Variants in EYA2 observed in about 807,000 individuals in gnomAD.
EYA2 encodes the protein protein phosphatase EYA2.
A neutral mutation model predicts 69.2 loss-of-function variants in EYA2; 31 were observed. The observed-to-expected ratio is 0.45, with a 90% confidence interval of 0.34 to 0.60. The LOEUF (loss-of-function observed/expected upper bound fraction) is 0.60, where lower values mean the gene tolerates loss of function less well. Ranked by LOEUF, EYA2 falls within the 20% of genes least tolerant of loss-of-function variation. The pLI is 0.02. For synonymous variants in EYA2, 257 were observed against 279.4 expected (o/e 0.92, Z 0.80); for missense variants, 622 against 701.2 (o/e 0.89, Z 1.28).
At chr20:46,921,496 A>T (rs1241786927) in intron 1 of EYA2, among the ~76,000 whole-genome samples, 1 of 152,026 alleles carries the variant, frequency 6.6e-6, no homozygotes, top group Non-Finnish European at 1.5e-5. Flanking sequence ...CCCACTCTCC[A>T]GTTCTAAGTG....
At chr20:47,173,182 C>T (rs891629751) in intron 12 of EYA2, among the ~76,000 whole-genome samples, 73 of 152,108 alleles carry the variant, frequency 4.8e-4, no homozygotes, top group African/African-American at 1.7e-3. Context: ...CTCCAAGTAG[C>T]AGCGACAGCA....
chr20:47,038,120 A>G (rs1358261293), intron 5 of EYA2, among the ~76,000 whole-genome samples: 2 of 152,176 alleles, frequency 1.3e-5, no homozygotes, highest in Admixed American at 6.5e-5. Flanking sequence ...TCTGATGGTG[A>G]TGGATTCATG....
At chr20:47,077,884 G>A (rs758186638) in intron 7 of EYA2, among the ~76,000 whole-genome samples, 9 of 152,198 alleles carry the variant, frequency 5.9e-5, no homozygotes, top group Admixed American at 2.6e-4. Context: ...TGGTTCTTCC[G>A]ATCTCATTTC....
chr20:46,949,072 G>A (rs966465493), intron 1 of EYA2, among the ~76,000 whole-genome samples: 3 of 152,320 alleles, frequency 2.0e-5, no homozygotes, highest in Middle Eastern at 3.4e-3. Flanking sequence ...CTCAAGACTG[G>A]TAGAGATGGG....
chr20:47,173,405 TC>T (rs2034364621), intron 12 of EYA2, among the ~76,000 whole-genome samples: 1 of 147,134 alleles, frequency 6.8e-6, no homozygotes, highest in African/African-American at 2.5e-5. Context: ...CACATCAGCA[TC>T]CCCCGGAGCT....
chr20:47,022,901 T>C (rs1983841285), intron 5 of EYA2, among the ~76,000 whole-genome samples: 2 of 152,144 alleles, frequency 1.3e-5, no homozygotes, highest in African/African-American at 4.8e-5. Flanking sequence ...GTGTTCAGTT[T>C]AGTGTTTTTA....
At chr20:47,117,320 A>G (rs1439544013) in intron 9 of EYA2, 42 of 971,604 alleles carry the variant, frequency 4.3e-5, no homozygotes, top group Non-Finnish European at 4.9e-5. Context: ...AAGCATCTGC[A>G]TTTAACTCCA....
At chr20:46,905,537 G>A (rs13045741) in intron 1 of EYA2, among the ~76,000 whole-genome samples, 8 of 152,228 alleles carry the variant, frequency 5.3e-5, no homozygotes, top group Admixed American at 5.2e-4. Flanking sequence ...AGTAACGTAA[G>A]TGGGTTGCAA....
At chr20:47,181,533 G>C (rs6018324) in intron 14 of EYA2, among the ~76,000 whole-genome samples, 85,005 of 151,936 alleles carry the variant, frequency 0.56, 25,813 homozygotes, top group African/African-American at 0.82. Flanking sequence ...CCATAGCTGA[G>C]TGATTCATAC....
At chr20:47,168,049 G>A (rs1329586165) in intron 10 of EYA2, among the ~76,000 whole-genome samples, 1 of 152,208 alleles carries the variant, frequency 6.6e-6, no homozygotes, top group Non-Finnish European at 1.5e-5. Context: ...TCTTCCAAAA[G>A]TGCCAGCCAA....
intron 1 of EYA2, among the ~76,000 whole-genome samples, chr20:46,939,928 A>G (rs886718803): frequency 6.6e-6 from 1 of 152,200 alleles, no homozygotes. Context: ...AAATAAGGGG[A>G]GAGTAAAATA....
At chr20:47,007,766 C>T (rs1390201253) in intron 4 of EYA2, among the ~76,000 whole-genome samples, 3 of 152,050 alleles carry the variant, frequency 2.0e-5, no homozygotes, top group East Asian at 3.9e-4. Context: ...CAGGCACGCA[C>T]TACCTCCCCT....
intron 4 of EYA2, among the ~76,000 whole-genome samples, 159 bp from the exon 5 acceptor site, chr20:47,016,022 A>G (rs778060469): frequency 1.3e-5 from 2 of 152,266 alleles, no homozygotes; most frequent in East Asian, 1.9e-4. Context: ...TCAAATGTCT[A>G]TAGGCTCACT....
In EYA2 at chr20:47,180,820, A is replaced by G; in HGVS notation, c.1319A>G (p.Asn440Ser). 1.9e-6 allele frequency: 3 copies of G among 1,614,042 alleles called. No individual in the cohort carries two copies. Among genetic ancestry groups the G allele is most frequent in the African/African-American group, 1.3e-5 (1 of 75,030 alleles). ...ACAGTCTCCTTTGTCCTTAGGCCCA[A>G]CTGTGTCAATGTGCTGGTCACCACC... is the stretch of plus-strand genomic sequence containing the variant. ...KALNLINSRPNCVNVLVTTTQ... is the reference protein window; with the variant it reads ...KALNLINSRPSCVNVLVTTTQ... The change falls in exon 14 of 16, where the codon AAC (asparagine) becomes AGC (serine). Residue 440 changes from asparagine to serine, a missense_variant. Transcript: ENST00000327619.
intron 1 of EYA2, among the ~76,000 whole-genome samples, chr20:46,908,981 A>G (rs1053206358): frequency 7.0e-6 from 1 of 143,010 alleles, no homozygotes; most frequent in African/African-American, 2.6e-5. Context: ...CTTGAATCTC[A>G]TGGGGATGAG....
At chr20:47,004,713 C>T (rs1386311645) in intron 3 of EYA2, among the ~76,000 whole-genome samples, 2 of 152,170 alleles carry the variant, frequency 1.3e-5, no homozygotes, top group African/African-American at 2.4e-5. Flanking sequence ...TTACATTCTA[C>T]GGGGCTGAAC....
chr20:47,178,749 A>G (rs2146667929), intron 12 of EYA2, among the ~76,000 whole-genome samples: 1 of 128,004 alleles, frequency 7.8e-6, no homozygotes, highest in Admixed American at 9.0e-5. Flanking sequence ...TGTTGGATGC[A>G]TGGATGGATG....
At chr20:46,917,329 G>T (rs1488513859) in intron 1 of EYA2, among the ~76,000 whole-genome samples, 1 of 152,198 alleles carries the variant, frequency 6.6e-6, no homozygotes, top group Non-Finnish European at 1.5e-5. Flanking sequence ...GCCAAGAGGG[G>T]AATTACTGTC....
chr20:47,081,100 C>T (rs1487398317), intron 7 of EYA2, among the ~76,000 whole-genome samples: 7 of 152,200 alleles, frequency 4.6e-5, no homozygotes, highest in Admixed American at 3.3e-4. Flanking sequence ...GAGGCTTCCC[C>T]AGCCACATGG....
Sources: gnomAD v4.1 joint callset for allele counts (sites outside exome capture counted in the v4.1 genomes callset) on GRCh38, gnomAD v4.1.1 for gene constraint, MANE v1.5 for transcripts, NCBI Gene and HGNC (gene_info 2026-07-23, HGNC 2026-07-21) for gene names.